The following STAU1 variants were observed in gnomAD, a reference collection of about 807,000 sequenced individuals.
The protein encoded by STAU1 is staufen double-stranded RNA binding protein 1.
STAU1 carries 13 observed loss-of-function variants against 62.9 expected under a neutral mutation model. The ratio of observed to expected loss-of-function variants is 0.21; its 90% confidence interval spans 0.13 to 0.33. The LOEUF (loss-of-function observed/expected upper bound fraction) is 0.33, where lower values mean the gene tolerates loss of function less well. Ranked by LOEUF, STAU1 falls within the 10% of genes least tolerant of loss-of-function variation. STAU1 has a pLI of 1.00. For synonymous variants in STAU1, 269 were observed against 265.1 expected (o/e 1.01, Z -0.14); for missense variants, 571 against 712.1 (o/e 0.80, Z 2.25).
intron 5 of STAU1, among the ~76,000 whole-genome samples, chr20:49,142,048 A>G (rs1038098110): frequency 6.8e-6 from 1 of 147,900 alleles, no homozygotes; most frequent in African/African-American, 2.5e-5. Flanking sequence ...ACATAATAAG[A>G]CCTCATCTCA....
chr20:49,125,071 TAAAAAA>T (rs11473077), intron 6 of STAU1, among the ~76,000 whole-genome samples: 7 of 83,852 alleles, frequency 8.3e-5, no homozygotes, highest in Non-Finnish European at 1.6e-4. Flanking sequence ...ACACATTAAG[TAAAAAA>T]AAAAAAAAAA....
the STAU1 span, among the ~76,000 whole-genome samples, chr20:49,219,139 T>G: frequency 6.6e-6 from 1 of 151,802 alleles, no homozygotes; most frequent in Admixed American, 6.6e-5. Context: ...TATACACATC[T>G]AGAGTTTATA....
intron 6 of STAU1, chr20:49,135,037 A>C: frequency 6.6e-7 from 1 of 1,526,404 alleles, no homozygotes; most frequent in Non-Finnish European, 9.1e-7. Flanking sequence ...GGCAGCCGCC[A>C]TCTCCAGAGC....
intron 1 of STAU1, among the ~76,000 whole-genome samples, chr20:49,175,798 C>CCTTTTTTT (rs58550746): frequency 1.9e-5 from 2 of 104,824 alleles, no homozygotes; most frequent in African/African-American, 3.6e-5. Flanking sequence ...CTCATAATGC[C>CCTTTTTTT]TTTTTTTTTT....
At chr20:49,126,621 C>T (rs1296218698) in intron 6 of STAU1, among the ~76,000 whole-genome samples, 1 of 68,118 alleles carries the variant, frequency 1.5e-5, no homozygotes, top group African/African-American at 4.7e-5. Context: ...AAAATCTAAC[C>T]GATATTAGCC....
chr20:49,136,079 G>A, intron 5 of STAU1, 148 bp from the exon 6 acceptor site: 1 of 606,654 alleles, frequency 1.6e-6, no homozygotes, highest in Non-Finnish European at 2.8e-6. Flanking sequence ...GAGCAACATG[G>A]CAGTTTGAGA....
the STAU1 span, among the ~76,000 whole-genome samples, chr20:49,196,776 GAAAAAAAGAAAAAAA>G: frequency 3.2e-5 from 1 of 30,916 alleles, no homozygotes; most frequent in African/African-American, 6.1e-5. Flanking sequence ...TCTCAAAAAG[GAAAAAAAGAAAAAAA>G]AAAAAAAGAA....
upstream of STAU1, among the ~76,000 whole-genome samples, chr20:49,189,421 G>C (rs2093825584): frequency 6.6e-6 from 1 of 151,344 alleles, no homozygotes; most frequent in Admixed American, 6.6e-5. Flanking sequence ...GATCACCTGA[G>C]GTCAGGAGTT....
chr20:49,140,657 G>A (rs1457128042), intron 5 of STAU1, among the ~76,000 whole-genome samples: 1 of 152,140 alleles, frequency 6.6e-6, no homozygotes. Flanking sequence ...GGAGTGGGGA[G>A]TAACTCTTCA....
chr20:49,136,038 T>C (rs1052260048), intron 5 of STAU1, 107 bp from the exon 6 acceptor site: 65 of 819,948 alleles, frequency 7.9e-5, no homozygotes, highest in African/African-American at 2.4e-4. Context: ...GGCAGGAGGA[T>C]AGCTTGAGCC....
At chr20:49,119,945 G>A (rs751892862) in intron 9 of STAU1, 37 bp downstream of exon 9, 2 of 1,604,042 alleles carry the variant, frequency 1.2e-6, no homozygotes, top group Non-Finnish European at 1.7e-6. Context: ...GGTGAGGCGA[G>A]AGACCATCTT....
intron 6 of STAU1, chr20:49,134,882 C>G (rs781743793): frequency 7.6e-6 from 12 of 1,588,196 alleles, no homozygotes; most frequent in Non-Finnish European, 1.0e-5. Context: ...CTATTTACAA[C>G]AGCTAAGGCA....
intron 3 of STAU1, chr20:49,159,179 G>A (rs2093413015): frequency 1.9e-6 from 2 of 1,073,562 alleles, no homozygotes; most frequent in Admixed American, 5.0e-5. Flanking sequence ...AGTTATTCTC[G>A]TGAACCGTCT....
intron 13 of STAU1, 112 bp downstream of exon 13, chr20:49,115,670 A>G: frequency 2.1e-6 from 2 of 964,038 alleles, no homozygotes; most frequent in Non-Finnish European, 3.3e-6. Context: ...AAAGGGCCAG[A>G]AAGTAACTCA....
At chr20:49,187,856 G>GC (rs1255921386) in intron 1 of STAU1, among the ~76,000 whole-genome samples, 1 of 150,544 alleles carries the variant, frequency 6.6e-6, no homozygotes. Flanking sequence ...AGGAAAGGCG[G>GC]CCGCAGCACC....
the STAU1 span, among the ~76,000 whole-genome samples, chr20:49,212,894 G>A: frequency 6.6e-6 from 1 of 151,960 alleles, no homozygotes; most frequent in South Asian, 2.1e-4. Flanking sequence ...CATCGTGCCC[G>A]GCCTACTGGA....
At chr20:49,177,731 C>T (rs556758539) in intron 1 of STAU1, among the ~76,000 whole-genome samples, 5 of 151,508 alleles carry the variant, frequency 3.3e-5, no homozygotes, top group African/African-American at 4.8e-5. Flanking sequence ...AATATAAGAA[C>T]GGAAAAAGGA....
At chr20:49,131,011 G>A (rs1360178367) in intron 6 of STAU1, among the ~76,000 whole-genome samples, 1 of 152,122 alleles carries the variant, frequency 6.6e-6, no homozygotes, top group Non-Finnish European at 1.5e-5. Context: ...CTCCTCAGAG[G>A]TTAGGAGTTA....
At chr20:49,157,727 C>G (rs1485329628) in intron 3 of STAU1, among the ~76,000 whole-genome samples, 4 of 151,964 alleles carry the variant, frequency 2.6e-5, no homozygotes, top group Admixed American at 6.6e-5. Flanking sequence ...AACTGCCCGC[C>G]TTGGACTCTC....
Sources: allele counts gnomAD v4.1 joint callset (sites outside exome capture counted in the v4.1 genomes callset), GRCh38; gene constraint gnomAD v4.1.1; transcripts MANE v1.5; gene names NCBI Gene and HGNC (gene_info 2026-07-23, HGNC 2026-07-21).